Variants in SV2C observed in about 807,000 individuals in gnomAD.
The protein encoded by SV2C is solute carrier family 22 member B3.
SV2C carries 49 observed loss-of-function variants against 79.7 expected under a neutral mutation model. That is an observed-to-expected ratio of 0.61 (90% confidence interval 0.49 to 0.78). SV2C has a LOEUF of 0.78. Ranked by LOEUF, SV2C falls within the 30% of genes least tolerant of loss-of-function variation. The probability of loss-of-function intolerance (pLI) is 0.00; values close to 1 mark genes in which losing one functional copy is unlikely to be tolerated. For missense variants in SV2C, 833 were observed against 912.9 expected (o/e 0.91, Z 1.13); for synonymous variants, 334 against 333.2 (o/e 1.00, Z -0.03).
the SV2C span, among the ~76,000 whole-genome samples, chr5:75,862,112 C>T: frequency 6.6e-6 from 1 of 152,172 alleles, no homozygotes; most frequent in African/African-American, 2.4e-5. Flanking sequence ...TTTCCCAGTT[C>T]GTGATATCTG....
At chr5:75,949,405 G>T in the SV2C span, among the ~76,000 whole-genome samples, 1 of 152,058 alleles carries the variant, frequency 6.6e-6, no homozygotes, top group East Asian at 1.9e-4. Flanking sequence ...CTAAAGGAGA[G>T]TAGGGGCAAA....
At chr5:75,872,206 A>G in the SV2C span, among the ~76,000 whole-genome samples, 7 of 151,054 alleles carry the variant, frequency 4.6e-5, no homozygotes, top group Admixed American at 1.3e-4. Context: ...CAAGAAATAT[A>G]TAGGGCCAAT....
chr5:75,936,385 C>T, the SV2C span, among the ~76,000 whole-genome samples: 1 of 152,148 alleles, frequency 6.6e-6, no homozygotes, highest in African/African-American at 2.4e-5. Flanking sequence ...TGGAGAAAGA[C>T]TTTGATTGTG....
At chr5:76,241,022 T>G (rs972321978) in intron 4 of SV2C, among the ~76,000 whole-genome samples, 1 of 152,020 alleles carries the variant, frequency 6.6e-6, no homozygotes, top group Non-Finnish European at 1.5e-5. Flanking sequence ...AGTGGCGTGA[T>G]CTCAGCTCAC....
At chr5:76,153,507 A>G (rs929370236) in intron 2 of SV2C, among the ~76,000 whole-genome samples, 6 of 152,062 alleles carry the variant, frequency 3.9e-5, no homozygotes, top group African/African-American at 1.4e-4. Context: ...TTTCATATCT[A>G]CCTCTGCTAC....
chr5:75,879,804 A>T, the SV2C span, among the ~76,000 whole-genome samples: 2 of 152,170 alleles, frequency 1.3e-5, no homozygotes, highest in Non-Finnish European at 2.9e-5. Context: ...TCTCCTCCAC[A>T]TTGCCCTAGT....
intron 12 of SV2C, among the ~76,000 whole-genome samples, chr5:76,305,697 T>C (rs1388404853): frequency 6.6e-6 from 1 of 152,222 alleles, no homozygotes; most frequent in East Asian, 1.9e-4. Context: ...ATAGCACTTT[T>C]CTGTGCCAAA....
the SV2C span, among the ~76,000 whole-genome samples, chr5:76,065,089 G>A: frequency 1.3e-5 from 2 of 152,134 alleles, no homozygotes; most frequent in African/African-American, 4.8e-5. Flanking sequence ...TTCTCTGAAT[G>A]TTTTGGTTCC....
the SV2C span, among the ~76,000 whole-genome samples, chr5:76,077,847 C>T: frequency 4.7e-4 from 72 of 152,338 alleles, no homozygotes; most frequent in African/African-American, 1.6e-3. Context: ...ACCTGGCCAC[C>T]AGAGAGGTGG....
intron 2 of SV2C, among the ~76,000 whole-genome samples, chr5:76,157,745 A>G (rs1458497124): frequency 6.6e-6 from 1 of 151,928 alleles, no homozygotes; most frequent in East Asian, 1.9e-4. Flanking sequence ...TAAAGTTAAC[A>G]TAACAAAAGA....
the SV2C span, among the ~76,000 whole-genome samples, chr5:75,944,396 A>G: frequency 0.018 from 2,804 of 152,216 alleles, 94 homozygotes; most frequent in African/African-American, 0.061. Context: ...AGCTAATTAA[A>G]TTAATTCTAT....
chr5:76,306,105 T>C (rs1461704398), intron 12 of SV2C, among the ~76,000 whole-genome samples: 1 of 152,188 alleles, frequency 6.6e-6, no homozygotes, highest in East Asian at 1.9e-4. Flanking sequence ...TGGAATGCAG[T>C]GATTCAATCA....
chr5:76,159,914 G>C (rs777096947), intron 2 of SV2C, among the ~76,000 whole-genome samples: 1 of 151,958 alleles, frequency 6.6e-6, no homozygotes, highest in Non-Finnish European at 1.5e-5. Flanking sequence ...AATTAATTAT[G>C]TATCTATATA....
the SV2C span, among the ~76,000 whole-genome samples, chr5:75,860,422 T>C: frequency 6.6e-6 from 1 of 152,144 alleles, no homozygotes; most frequent in African/African-American, 2.4e-5. Flanking sequence ...TACAGAATAC[T>C]GCAAAAATAT....
At chr5:76,093,976 A>G (rs556213708) in intron 1 of SV2C, among the ~76,000 whole-genome samples, 29 of 152,276 alleles carry the variant, frequency 1.9e-4, no homozygotes, top group African/African-American at 6.7e-4. Context: ...AGCTGGATGC[A>G]GTAGCACACA....
intron 12 of SV2C, among the ~76,000 whole-genome samples, chr5:76,346,922 A>C (rs1749555563): frequency 6.6e-6 from 1 of 152,158 alleles, no homozygotes; most frequent in African/African-American, 2.4e-5. Context: ...TGTCTCCGCT[A>C]CCTAGAAGGC....
intron 4 of SV2C, among the ~76,000 whole-genome samples, chr5:76,255,832 C>T (rs1482001367): frequency 1.3e-5 from 2 of 152,158 alleles, no homozygotes; most frequent in Non-Finnish European, 2.9e-5. Context: ...CCACCTCCCA[C>T]CAAATGCCCA....
At chr5:76,221,493 A>G (rs536456631) in intron 4 of SV2C, among the ~76,000 whole-genome samples, 2 of 152,286 alleles carry the variant, frequency 1.3e-5, no homozygotes, top group East Asian at 3.9e-4. Flanking sequence ...CTGTTAGTAA[A>G]TCATAATTAC....
At chr5:75,902,091 C>G in the SV2C span, among the ~76,000 whole-genome samples, 117 of 152,270 alleles carry the variant, frequency 7.7e-4, 1 homozygote, top group Admixed American at 4.0e-3. Context: ...GTGTGCTGCA[C>G]CCACTGACCT....
Sources: gnomAD v4.1 joint callset for allele counts (sites outside exome capture counted in the v4.1 genomes callset) on GRCh38, gnomAD v4.1.1 for gene constraint, MANE v1.5 for transcripts, NCBI Gene and HGNC (gene_info 2026-07-23, HGNC 2026-07-21) for gene names.